MLC1: variants seen among roughly 807,000 people sequenced by gnomAD.
MLC1 encodes the protein modulator of VRAC current 1, also known as membrane protein MLC1.
MLC1 carries 32 observed loss-of-function variants against 44.7 expected under a neutral mutation model. That is an observed-to-expected ratio of 0.72 (90% CI 0.54 to 0.96). The LOEUF (loss-of-function observed/expected upper bound fraction) is 0.96, where lower values mean the gene tolerates loss of function less well. MLC1 is among the 40% of genes least tolerant of loss of function. The probability of loss-of-function intolerance (pLI) is 0.00; values close to 1 mark genes in which losing one functional copy is unlikely to be tolerated. For missense variants in MLC1, 459 were observed against 492.2 expected, an observed-to-expected ratio of 0.93 and a Z score of 0.64; for synonymous variants, 190 against 213.0, an observed-to-expected ratio of 0.89 and a Z score of 0.94.
At chr22:50,080,252 G>T in intron 4 of MLC1, 92 bp downstream of exon 4, 2 of 1,458,226 alleles carry the variant, frequency 1.4e-6, no homozygotes, top group Non-Finnish European at 1.9e-6. Context: ...CAACGTCTGT[G>T]CGTGGGCACA....
intron 11 of MLC1, among the ~76,000 whole-genome samples, chr22:50,061,886 C>T (rs1262816091): frequency 6.6e-6 from 1 of 152,208 alleles, no homozygotes; most frequent in Non-Finnish European, 1.5e-5. Flanking sequence ...CGGTTTCTAC[C>T]GAGCCTGGGA....
intron 10 of MLC1, 62 bp from the exon 11 acceptor site, chr22:50,064,260 G>T: frequency 6.5e-7 from 1 of 1,538,418 alleles, no homozygotes; most frequent in Non-Finnish European, 8.7e-7. Context: ...GGAGACCAAA[G>T]CTCCCTCGTG....
At chr22:50,078,644 C>T (rs1329533369) in intron 5 of MLC1, among the ~76,000 whole-genome samples, 1 of 151,066 alleles carries the variant, frequency 6.6e-6, no homozygotes, top group East Asian at 2.0e-4. Context: ...GAGGCTGAGA[C>T]AGGAGAATTG....
intron 10 of MLC1, among the ~76,000 whole-genome samples, chr22:50,067,478 A>G (rs111903022): frequency 0.03 from 1,090 of 36,266 alleles, 49 homozygotes; most frequent in Admixed American, 0.045. Flanking sequence ...CCATCCCCCC[A>G]TCAGGCAGTG....
rs765717486 is a variant in MLC1, at chr22:50,069,437, G to A, written c.772-882C>T. Among the ~76,000 whole-genome samples the A allele has an allele frequency of 9.9e-4, 151 of 152,106 alleles. 1 individual carries two copies. Among genetic ancestry groups the A allele is most frequent in the Non-Finnish European group, 1.8e-3 (120 of 67,994 alleles). On this transcript the variant is annotated intron_variant, in intron 9 of 11. Coordinates refer to ENST00000311597, the MANE Select transcript of MLC1 (RefSeq NM_015166.4). ...AGGAGGGCGGATCACCTGAGGTCAC[G>A]AGTTCGAGACCAGCCTGGCCAACAT...
intron 11 of MLC1, 114 bp downstream of exon 11, chr22:50,063,920 G>A (rs2061640460): frequency 8.8e-7 from 1 of 1,136,514 alleles, no homozygotes; most frequent in Non-Finnish European, 1.2e-6. Context: ...GCACCCCTGT[G>A]GGCCACTCAC....
At chr22:50,070,007 G>T (rs943034559) in intron 9 of MLC1, among the ~76,000 whole-genome samples, 3 of 152,106 alleles carry the variant, frequency 2.0e-5, no homozygotes, top group Non-Finnish European at 2.9e-5. Context: ...TTCGAGACCA[G>T]CCTGGCCAAC....
intron 7 of MLC1, among the ~76,000 whole-genome samples, chr22:50,075,947 G>T (rs150355816): frequency 6.6e-6 from 1 of 152,042 alleles, no homozygotes; most frequent in East Asian, 1.9e-4. Flanking sequence ...ATCAAGGAGC[G>T]TATTAGAATA....
chr22:50,079,372 T>C (rs145785670), intron 5 of MLC1, among the ~76,000 whole-genome samples: 86 of 150,514 alleles, frequency 5.7e-4, no homozygotes, highest in African/African-American at 2.1e-3. Context: ...CCAACGAGAG[T>C]GGCCAGGACA....
intron 11 of MLC1, among the ~76,000 whole-genome samples, 169 bp from the exon 12 acceptor site, chr22:50,061,826 C>T (rs753436017): frequency 2.0e-5 from 3 of 152,170 alleles, no homozygotes; most frequent in Non-Finnish European, 2.9e-5. Context: ...GAGATAAAAG[C>T]CTTCACTTCC....
chr22:50,066,064 C>T (rs541231116), intron 10 of MLC1, among the ~76,000 whole-genome samples: 2 of 149,780 alleles, frequency 1.3e-5, no homozygotes, highest in Non-Finnish European at 3.0e-5. Flanking sequence ...GGGCTGGGCA[C>T]GGTGGCAGAA....
chr22:50,074,434 G>A (rs1294622700), intron 7 of MLC1, 102 bp from the exon 8 acceptor site: 5 of 1,063,448 alleles, frequency 4.7e-6, no homozygotes, highest in Non-Finnish European at 5.8e-6. Flanking sequence ...AGGGTCCAGT[G>A]GGCTGGCCCC....
At chr22:50,072,206 G>T (rs1388528960) in intron 8 of MLC1, among the ~76,000 whole-genome samples, 1 of 152,230 alleles carries the variant, frequency 6.6e-6, no homozygotes, top group African/African-American at 2.4e-5. Flanking sequence ...ACCCAGCATG[G>T]CCACTCCGGC....
chr22:50,065,194 C>T (rs2061677240), intron 10 of MLC1, among the ~76,000 whole-genome samples: 1 of 152,200 alleles, frequency 6.6e-6, no homozygotes, highest in Non-Finnish European at 1.5e-5. Context: ...GCTGGGATTA[C>T]AGGCATGTGC....
At chr22:50,075,839 CA>C (rs2061967010) in intron 7 of MLC1, among the ~76,000 whole-genome samples, 1 of 152,130 alleles carries the variant, frequency 6.6e-6, no homozygotes, top group South Asian at 2.1e-4. Flanking sequence ...GAGGCTGTCC[CA>C]TTGTTGGAGT....
At position 50,084,843 on chromosome 22, in the gene MLC1, C is replaced by G; in HGVS notation, c.60G>C (p.Arg20=). ...CATAGCTGGCGGGGTCTTGCCGGCC[C>G]CGCTCCAGCGTGGGCATCCGGTCAT... is the stretch of plus-strand genomic sequence containing the variant. ...LAYDRMPTLE[R]GRQDPASYAP... Residue 20 remains arginine (R), a synonymous_variant, in exon 2 of 12, where the codon CGG becomes CGC. Transcript: ENST00000311597. 6.2e-7 allele frequency: 1 copy of G among 1,613,698 alleles called. No individual in the cohort carries two copies. Among genetic ancestry groups the G allele is most frequent in the Non-Finnish European group, 8.5e-7 (1 of 1,180,046 alleles).
At chr22:50,074,945 T>G (rs2061943013) in intron 7 of MLC1, among the ~76,000 whole-genome samples, 3 of 152,224 alleles carry the variant, frequency 2.0e-5, no homozygotes, top group South Asian at 4.1e-4. Context: ...GAGCTGCTGC[T>G]CGAGGCACCT....
chr22:50,077,263 C>A (rs954000278), intron 6 of MLC1, 138 bp downstream of exon 6: 1 of 832,474 alleles, frequency 1.2e-6, no homozygotes. Context: ...TTTCTGAGAC[C>A]CAGGAGAGAG....
rs2061521032 is a variant in MLC1, at chr22:50,059,455, G to A, written c.*2128C>T. ...ACAAAAATGTAGACTGAAAGAGACA[G>A]TTCTTTTAAACCCCATTTTTCCGGA... is the stretch of plus-strand genomic sequence containing the variant. On this transcript the variant is annotated 3_prime_UTR_variant, in exon 12 of 12. Coordinates refer to ENST00000311597, the MANE Select transcript of MLC1 (RefSeq NM_015166.4). 1 of 152,402 alleles carries A rather than the reference G, an allele frequency of 6.6e-6. No homozygotes were observed. Among genetic ancestry groups the A allele is most frequent in the Non-Finnish European group, 1.5e-5 (1 of 68,052 alleles). 9.4% of individuals were successfully genotyped at this position (152,402 alleles called of 1,614,324 possible).
Sources: gnomAD v4.1 joint callset for allele counts (sites outside exome capture counted in the v4.1 genomes callset) on GRCh38, gnomAD v4.1.1 for gene constraint, MANE v1.5 for transcripts, NCBI Gene and HGNC (gene_info 2026-07-23, HGNC 2026-07-21) for gene names.